Variants in SUPT3H observed in about 807,000 individuals in gnomAD.
SUPT3H encodes SPT3 homolog, SAGA and STAGA complex component, also known as transcription initiation protein SPT3 homolog.
SUPT3H carries 44 observed loss-of-function variants against 44.3 expected under a neutral mutation model. That is an observed-to-expected ratio of 0.99 (90% CI 0.78 to 1.28). The LOEUF is 1.28. SUPT3H is among the 50% of genes most tolerant of loss of function. The probability of loss-of-function intolerance (pLI) is 0.00; values close to 1 mark genes in which losing one functional copy is unlikely to be tolerated. For synonymous variants in SUPT3H, 124 were observed against 125.6 expected, an observed-to-expected ratio of 0.99 and a Z score of 0.09; for missense variants, 380 against 387.1, an observed-to-expected ratio of 0.98 and a Z score of 0.15.
At chr6:45,055,408 C>T (rs1253147976) in intron 3 of SUPT3H, among the ~76,000 whole-genome samples, 1 of 152,070 alleles carries the variant, frequency 6.6e-6, no homozygotes, top group African/African-American at 2.4e-5. Flanking sequence ...ACACAGTACC[C>T]AACTTCAAAT....
chr6:44,941,072 T>A (rs1412757439), intron 9 of SUPT3H, among the ~76,000 whole-genome samples: 1 of 152,152 alleles, frequency 6.6e-6, no homozygotes, highest in Admixed American at 6.6e-5. Context: ...ATGGTTAATA[T>A]TGATAAGTGA....
At chr6:45,028,238 A>G (rs1326416244) in intron 3 of SUPT3H, among the ~76,000 whole-genome samples, 1 of 152,212 alleles carries the variant, frequency 6.6e-6, no homozygotes, top group Admixed American at 6.5e-5. Flanking sequence ...GTAAAGTTAT[A>G]CTATTTTGCC....
chr6:45,286,019 G>A (rs1192869802), intron 2 of SUPT3H, among the ~76,000 whole-genome samples: 1 of 138,878 alleles, frequency 7.2e-6, no homozygotes, highest in Non-Finnish European at 1.5e-5. Flanking sequence ...TTAATAAATG[G>A]TGCTGGGAAA....
intron 10 of SUPT3H, among the ~76,000 whole-genome samples, chr6:44,908,963 C>T (rs963540873): frequency 9.2e-5 from 14 of 152,068 alleles, no homozygotes; most frequent in African/African-American, 2.9e-4. Flanking sequence ...CATCTATCTC[C>T]TCAGCAACAA....
chr6:45,114,569 T>C (rs1800563378), intron 2 of SUPT3H, among the ~76,000 whole-genome samples: 1 of 152,110 alleles, frequency 6.6e-6, no homozygotes, highest in Non-Finnish European at 1.5e-5. Context: ...GCTCATAAAA[T>C]AAAACTCATC....
At chr6:44,857,258 C>T (rs1773892370) in intron 10 of SUPT3H, among the ~76,000 whole-genome samples, 2 of 152,044 alleles carry the variant, frequency 1.3e-5, no homozygotes, top group African/African-American at 2.4e-5. Flanking sequence ...CCTTATAAAA[C>T]ACAAAGCGCC....
At chr6:44,999,601 T>G (rs1781747001) in intron 6 of SUPT3H, among the ~76,000 whole-genome samples, 1 of 152,048 alleles carries the variant, frequency 6.6e-6, no homozygotes, top group Non-Finnish European at 1.5e-5. Flanking sequence ...TTAAGACTAT[T>G]GCTCATTTAT....
intron 6 of SUPT3H, among the ~76,000 whole-genome samples, chr6:44,964,295 C>T (rs577375328): frequency 1.3e-5 from 2 of 152,158 alleles, no homozygotes; most frequent in African/African-American, 2.4e-5. Context: ...TTCCTACATA[C>T]CATCTCTGCT....
At chr6:45,317,385 C>A (rs1213738769) in intron 2 of SUPT3H, among the ~76,000 whole-genome samples, 1 of 151,824 alleles carries the variant, frequency 6.6e-6, no homozygotes, top group African/African-American at 2.4e-5. Context: ...CCCCAAATAG[C>A]CAAAGCAGTC....
intron 10 of SUPT3H, among the ~76,000 whole-genome samples, chr6:44,881,762 G>C (rs530773896): frequency 2.0e-5 from 3 of 152,228 alleles, no homozygotes; most frequent in African/African-American, 7.2e-5. Context: ...CATAGAAACT[G>C]AACAACCTGC....
chr6:45,158,201 G>GAGAT (rs3054762), intron 2 of SUPT3H, among the ~76,000 whole-genome samples: 12,974 of 121,700 alleles, frequency 0.11, 844 homozygotes, highest in Non-Finnish European at 0.13. Context: ...AGAAACCATA[G>GAGAT]AGATAGATAG....
chr6:45,057,012 A>AT (rs1183975797), intron 3 of SUPT3H, among the ~76,000 whole-genome samples: 3 of 152,156 alleles, frequency 2.0e-5, no homozygotes, highest in Non-Finnish European at 2.9e-5. Context: ...TAAATAAGGT[A>AT]TTATAAACAT....
At chr6:45,157,632 TC>T (rs1259362014) in intron 2 of SUPT3H, among the ~76,000 whole-genome samples, 1 of 151,840 alleles carries the variant, frequency 6.6e-6, no homozygotes, top group Non-Finnish European at 1.5e-5. Context: ...CACTGCAACC[TC>T]CAGCTCCCGG....
chr6:44,932,752 G>A lies in SUPT3H; in HGVS notation c.813C>T (p.Ala271=). ...CATCGCTGTGAGCCTCAACACCACA[G>A]GCTGCAGTGCTCTGCGACAGAAAAA... ...QYHNSAESTA[A]CGVEAHSDAI... Residue 271 remains alanine (A), a synonymous_variant, in exon 10 of 11, where the codon GCC becomes GCT. Transcript: ENST00000371459. 1 of 1,606,846 alleles carries A rather than the reference G, an allele frequency of 6.2e-7. No homozygotes were observed. The highest frequency in any genetic ancestry group is 1.1e-5 in the South Asian group (1 of 89,696).
At chr6:44,928,884 A>AAAAAAAT (rs1770014168) in intron 10 of SUPT3H, among the ~76,000 whole-genome samples, 1 of 98,606 alleles carries the variant, frequency 1.0e-5, no homozygotes, top group African/African-American at 3.8e-5. Context: ...CTCCGTCTCA[A>AAAAAAAT]AAAAAAAAAA....
At chr6:44,920,875 CTCT>C (rs1768599112) in intron 10 of SUPT3H, among the ~76,000 whole-genome samples, 1 of 152,110 alleles carries the variant, frequency 6.6e-6, no homozygotes, top group South Asian at 2.1e-4. Context: ...ATTCCTGCTC[CTCT>C]GTGTGCTTGT....
intron 1 of SUPT3H, chr6:45,377,216 A>G (rs999652597): frequency 6.6e-6 from 1 of 152,190 alleles, no homozygotes; most frequent in African/African-American, 2.4e-5. Flanking sequence ...AATCCTCACA[A>G]TTCTGAAATA....
At chr6:44,813,576 G>GAAAAAAAA (rs5875893) in intron 11 of SUPT3H, among the ~76,000 whole-genome samples, 1 of 135,232 alleles carries the variant, frequency 7.4e-6, no homozygotes, top group Non-Finnish European at 1.6e-5. Flanking sequence ...AAACCAAGAG[G>GAAAAAAAA]AAAAAAAAAA....
At chr6:44,868,872 C>A (rs950240633) in intron 10 of SUPT3H, among the ~76,000 whole-genome samples, 5 of 152,206 alleles carry the variant, frequency 3.3e-5, no homozygotes, top group Non-Finnish European at 7.3e-5. Flanking sequence ...CACGGAATAC[C>A]ATGGTTTTGC....
Sources: allele counts gnomAD v4.1 joint callset (sites outside exome capture counted in the v4.1 genomes callset), GRCh38; gene constraint gnomAD v4.1.1; transcripts MANE v1.5; gene names NCBI Gene and HGNC (gene_info 2026-07-23, HGNC 2026-07-21).